ANK1: variants seen among roughly 807,000 people sequenced by gnomAD.
ANK1 encodes the protein ankyrin 1, also known as ankyrin-1.
ANK1 carries 51 observed loss-of-function variants against 210.4 expected under a neutral mutation model. The observed-to-expected ratio is 0.24, with a 90% CI of 0.19 to 0.31. ANK1 has a LOEUF of 0.31. ANK1 is among the 10% of genes least tolerant of loss of function. The pLI, the probability that ANK1 is intolerant of heterozygous loss-of-function variation, is 1.00. For synonymous variants in ANK1, 967 were observed against 1,025.9 expected (o/e 0.94, Z 1.10); for missense variants, 2,051 against 2,504.4 (o/e 0.82, Z 3.86).
At chr8:41,803,094 GAAAGGA>G (rs1563811372) in intron 1 of ANK1, among the ~76,000 whole-genome samples, 7 of 98,820 alleles carry the variant, frequency 7.1e-5, no homozygotes, top group African/African-American at 2.4e-4. Context: ...GGAAGGAAAG[GAAAGGA>G]AAGGAAAGGA....
At chr8:41,855,895 G>A (rs754439551) in intron 1 of ANK1, among the ~76,000 whole-genome samples, 2 of 151,980 alleles carry the variant, frequency 1.3e-5, no homozygotes, top group African/African-American at 4.8e-5. Context: ...AGTGTAGGCC[G>A]GGCCTGGAGA....
chr8:41,835,477 A>AT (rs1206337701), intron 1 of ANK1, among the ~76,000 whole-genome samples: 2 of 152,004 alleles, frequency 1.3e-5, no homozygotes, highest in Non-Finnish European at 1.5e-5. Flanking sequence ...TAAAAATTAA[A>AT]TTAAAAAAAA....
intron 1 of ANK1, among the ~76,000 whole-genome samples, chr8:41,875,841 C>T (rs1816463503): frequency 6.6e-6 from 1 of 152,190 alleles, no homozygotes; most frequent in South Asian, 2.1e-4. Context: ...TCTAGTGTTA[C>T]ACGGCGCAGG....
intron 42 of ANK1, among the ~76,000 whole-genome samples, chr8:41,657,974 T>C (rs544440595): frequency 8.8e-4 from 134 of 152,358 alleles, no homozygotes; most frequent in African/African-American, 3.0e-3. Flanking sequence ...CTTGAACTCC[T>C]GGGCTCAAGC....
At chr8:41,845,408 A>G (rs1250918164) in intron 1 of ANK1, among the ~76,000 whole-genome samples, 2 of 152,030 alleles carry the variant, frequency 1.3e-5, no homozygotes, top group African/African-American at 4.8e-5. Context: ...AAGAAAAAAA[A>G]AAGATGTGAA....
chr8:41,848,946 G>A (rs1304271179), intron 1 of ANK1, among the ~76,000 whole-genome samples: 2 of 152,162 alleles, frequency 1.3e-5, no homozygotes, highest in African/African-American at 2.4e-5. Context: ...TGCCCCTGGT[G>A]CGACCTGCCC....
rs148391663 is a variant in ANK1 at position 41,874,381 on chromosome 8, C to G, written c.126+21974G>C. Among the ~76,000 whole-genome samples, 156 of 152,256 alleles carry G rather than the reference C, an allele frequency of 1.0e-3. 1 individual carries two copies. The highest frequency in any genetic ancestry group is 1.6e-3 in the Non-Finnish European group (110 of 68,012). On this transcript the variant is annotated intron_variant, in intron 1 of 42. Transcript: ENST00000265709. ...TTGAATTTTGAAAAGTTGCACTGGG[C>G]CCAGGAAAAAGGCAGTGAGTTGGGA...
intron 6 of ANK1, 85 bp from the exon 7 acceptor site, chr8:41,724,639 T>C: frequency 3.2e-6 from 4 of 1,269,410 alleles, no homozygotes; most frequent in Non-Finnish European, 4.4e-6. Flanking sequence ...GAAACTCAGG[T>C]GGGGCAACAG....
chr8:41,871,072 C>T (rs1012453961), intron 1 of ANK1, among the ~76,000 whole-genome samples: 2 of 152,210 alleles, frequency 1.3e-5, no homozygotes, highest in African/African-American at 2.4e-5. Flanking sequence ...CTGCCCCTCA[C>T]GGGCCACACC....
chr8:41,866,620 C>T (rs1189244435), intron 1 of ANK1, among the ~76,000 whole-genome samples: 1 of 152,252 alleles, frequency 6.6e-6, no homozygotes, highest in Non-Finnish European at 1.5e-5. Context: ...ACCCTTTAAA[C>T]ACTAACTTCC....
chr8:41,882,816 C>T (rs750950147), intron 1 of ANK1, among the ~76,000 whole-genome samples: 1 of 152,222 alleles, frequency 6.6e-6, no homozygotes, highest in Non-Finnish European at 1.5e-5. Flanking sequence ...GAGTCAGGGC[C>T]TCCACGCTCC....
chr8:41,660,473 GCATGAAGGGC>G (rs1382866475), intron 42 of ANK1: 1 of 458,158 alleles, frequency 2.2e-6, no homozygotes, highest in South Asian at 1.6e-5. Flanking sequence ...GAGCTGGGCA[GCATGAAGGGC>G]CTCGGGGCAG....
At chr8:41,765,778 A>G (rs1056768049) in intron 1 of ANK1, among the ~76,000 whole-genome samples, 16 of 152,176 alleles carry the variant, frequency 1.1e-4, no homozygotes, top group African/African-American at 3.4e-4. Context: ...TCCTGAGCAG[A>G]TACTAATATA....
Position 41,714,156 on chromosome 8 carries a change from C to A in ANK1, c.1800G>T (p.Trp600Cys). The A allele has an allele frequency of 7.3e-7, 1 of 1,362,316 alleles. No individual in the cohort carries two copies. The allele number at this position is 1,362,316 out of a possible 1,614,324, so 84.4% of individuals were successfully genotyped here. A position where few individuals can be genotyped will look rare whatever the true frequency, so the allele number is the denominator to read the frequency against. The change falls in exon 16 of 43, where the codon TGG becomes TGT. Residue 600 changes from tryptophan to cysteine, a missense_variant and splice_region_variant. This residue lies in a region of ANK1 where 1,413 missense variants were observed against 1,707.4 expected (regional missense o/e 0.83). Coordinates refer to ENST00000289734, the MANE Select transcript of ANK1 (RefSeq NM_000037.4). ...PRGGSPHSPA[W>C]NGYTPLHIAA... ...AGCTGGGGAGAGGGGCGGGCCTTACCCAGGCAGGGCTGTGCGGGGAGCCGC... is the reference window on the plus strand; with the variant it reads ...AGCTGGGGAGAGGGGCGGGCCTTACACAGGCAGGGCTGTGCGGGGAGCCGC...
chr8:41,836,414 G>C (rs1476563281), intron 1 of ANK1, among the ~76,000 whole-genome samples: 2 of 152,208 alleles, frequency 1.3e-5, no homozygotes, highest in Non-Finnish European at 2.9e-5. Context: ...CATGTGACTA[G>C]AGAGGAGGAA....
chr8:41,802,999 A>AAGAG (rs1164258032), intron 1 of ANK1, among the ~76,000 whole-genome samples: 881 of 49,014 alleles, frequency 0.018, 14 homozygotes, highest in Non-Finnish European at 0.025. Flanking sequence ...GAAAGAGAGA[A>AAGAG]AGAAAGAAAG....
At chr8:41,861,591 G>A (rs1813279134) in intron 1 of ANK1, among the ~76,000 whole-genome samples, 1 of 152,230 alleles carries the variant, frequency 6.6e-6, no homozygotes, top group African/African-American at 2.4e-5. Context: ...AGTGGTGAGT[G>A]CTCACTCGGT....
intron 1 of ANK1, among the ~76,000 whole-genome samples, chr8:41,878,145 T>A (rs1028365563): frequency 3.3e-5 from 5 of 152,200 alleles, no homozygotes; most frequent in African/African-American, 4.8e-5. Flanking sequence ...CAATCCCAAA[T>A]GTCATTGGCA....
chr8:41,876,980 AAAATAAAT>A (rs903377014), intron 1 of ANK1, among the ~76,000 whole-genome samples: 13 of 152,162 alleles, frequency 8.5e-5, no homozygotes, highest in African/African-American at 2.9e-4. Context: ...GACCATCTTC[AAAATAAAT>A]AAATAAATAA....
Sources: gnomAD v4.1 joint callset for allele counts (sites outside exome capture counted in the v4.1 genomes callset) on GRCh38, gnomAD v4.1.1 for gene constraint, gnomAD v4.1.1 regional missense constraint, MANE v1.5 for transcripts, NCBI Gene and HGNC (gene_info 2026-07-23, HGNC 2026-07-21) for gene names.